Variants in DLG2 observed in about 807,000 individuals in gnomAD.
The protein encoded by DLG2 is disks large homolog 2.
A neutral mutation model predicts 132.5 loss-of-function variants in DLG2; 45 were observed. That is an observed-to-expected ratio of 0.34 (90% CI 0.27 to 0.44). The LOEUF is 0.44. DLG2 is among the 20% of genes least tolerant of loss of function. The pLI is 1.00. For synonymous variants in DLG2, 424 were observed against 419.6 expected (o/e 1.01, Z -0.13); for missense variants, 1,045 against 1,196.9 (o/e 0.87, Z 1.87).
At chr11:85,150,363 C>A (rs1044044585) in intron 5 of DLG2, among the ~76,000 whole-genome samples, 3 of 152,008 alleles carry the variant, frequency 2.0e-5, no homozygotes, top group Non-Finnish European at 4.4e-5. Context: ...AACCACATAA[C>A]CTTAAATTTA....
chr11:85,508,577 A>G (rs547047491), intron 3 of DLG2, among the ~76,000 whole-genome samples: 2 of 152,222 alleles, frequency 1.3e-5, no homozygotes. Context: ...TGTAAGCTCC[A>G]TAAGAACAAG....
chr11:84,648,915 C>G (rs909935105), intron 6 of DLG2, among the ~76,000 whole-genome samples: 1 of 152,088 alleles, frequency 6.6e-6, no homozygotes, highest in African/African-American at 2.4e-5. Context: ...ATCATTCAGC[C>G]TCAAGTATTC....
intron 18 of DLG2, among the ~76,000 whole-genome samples, chr11:83,749,233 C>A (rs761227328): frequency 1.8e-4 from 27 of 152,142 alleles, no homozygotes; most frequent in African/African-American, 5.3e-4. Context: ...GAGAGGCAAC[C>A]TTTTTGCCTT....
intron 18 of DLG2, among the ~76,000 whole-genome samples, chr11:83,674,136 G>A (rs945575640): frequency 2.6e-5 from 4 of 152,202 alleles, no homozygotes; most frequent in African/African-American, 4.8e-5. Context: ...AGCTGTGCCA[G>A]GTATTAATGC....
At chr11:84,938,442 G>A (rs1030259112) in intron 6 of DLG2, among the ~76,000 whole-genome samples, 2 of 152,074 alleles carry the variant, frequency 1.3e-5, no homozygotes, top group Admixed American at 6.5e-5. Flanking sequence ...TTTGTTAAGA[G>A]TTTTGCCTTG....
At chr11:85,238,537 T>C (rs1196448572) in intron 4 of DLG2, among the ~76,000 whole-genome samples, 1 of 151,934 alleles carries the variant, frequency 6.6e-6, no homozygotes, top group Non-Finnish European at 1.5e-5. Flanking sequence ...AGCCACTGTG[T>C]CCCACCTATC....
chr11:85,266,809 CT>C (rs2077241093), intron 4 of DLG2, among the ~76,000 whole-genome samples: 1 of 152,182 alleles, frequency 6.6e-6, no homozygotes, highest in Non-Finnish European at 1.5e-5. Flanking sequence ...ACCCTCAATT[CT>C]GATGAAGAAA....
intron 9 of DLG2, among the ~76,000 whole-genome samples, chr11:84,128,326 T>C (rs1357920021): frequency 1.3e-5 from 2 of 152,218 alleles, no homozygotes; most frequent in Non-Finnish European, 2.9e-5. Context: ...TGCTAAATAC[T>C]GTCAATGTAT....
intron 6 of DLG2, among the ~76,000 whole-genome samples, chr11:84,886,257 T>C (rs1328291848): frequency 1.3e-5 from 2 of 152,100 alleles, no homozygotes; most frequent in East Asian, 1.9e-4. Flanking sequence ...CCCAAGATAT[T>C]TCCTAGAGCT....
At chr11:83,774,715 A>G (rs541427451) in intron 18 of DLG2, among the ~76,000 whole-genome samples, 6 of 152,316 alleles carry the variant, frequency 3.9e-5, no homozygotes, top group Admixed American at 1.3e-4. Context: ...AGGGCAGCAC[A>G]ATGCTCACTC....
At chr11:84,407,767 T>C (rs1332684392) in intron 7 of DLG2, among the ~76,000 whole-genome samples, 2 of 152,222 alleles carry the variant, frequency 1.3e-5, no homozygotes, top group Admixed American at 1.3e-4. Context: ...GTAAAGTGAC[T>C]TTTTCAAGGT....
At chr11:84,306,321 G>C (rs1456439317) in intron 7 of DLG2, among the ~76,000 whole-genome samples, 4 of 151,952 alleles carry the variant, frequency 2.6e-5, no homozygotes, top group Admixed American at 2.0e-4. Context: ...AAAATATTTG[G>C]TTCCAAATCT....
chr11:85,186,770 A>G (rs147184038), intron 4 of DLG2, among the ~76,000 whole-genome samples: 41 of 152,226 alleles, frequency 2.7e-4, no homozygotes, highest in African/African-American at 8.9e-4. Context: ...CAGCTCAAAA[A>G]GCCTCCCATT....
chr11:85,435,371 T>G (rs1334732612), intron 3 of DLG2, among the ~76,000 whole-genome samples: 1 of 152,166 alleles, frequency 6.6e-6, no homozygotes, highest in Admixed American at 6.5e-5. Flanking sequence ...GAAGTCAAAT[T>G]GTCGCTGTTT....
intron 18 of DLG2, among the ~76,000 whole-genome samples, chr11:83,641,025 C>T (rs953496137): frequency 2.0e-5 from 3 of 152,078 alleles, no homozygotes; most frequent in African/African-American, 7.2e-5. Context: ...TCATCCCTAC[C>T]CCCATACATT....
intron 6 of DLG2, among the ~76,000 whole-genome samples, chr11:84,551,085 T>C (rs1459342938): frequency 6.6e-6 from 1 of 152,144 alleles, no homozygotes; most frequent in African/African-American, 2.4e-5. Context: ...GTCAATGGCA[T>C]TGGAACATGG....
chr11:83,992,335 G>C (rs934642253), intron 11 of DLG2, among the ~76,000 whole-genome samples: 6 of 152,118 alleles, frequency 3.9e-5, no homozygotes, highest in African/African-American at 1.4e-4. Flanking sequence ...GTGCTGCTAT[G>C]AGAGGAATAG....
chr11:84,143,584 C>T (rs1305246701), intron 9 of DLG2, among the ~76,000 whole-genome samples: 1 of 152,126 alleles, frequency 6.6e-6, no homozygotes, highest in Non-Finnish European at 1.5e-5. Flanking sequence ...GTTTAAAATG[C>T]ATCAGGCTCA....
At chr11:84,593,985 A>G (rs1339607491) in intron 6 of DLG2, among the ~76,000 whole-genome samples, 6 of 152,178 alleles carry the variant, frequency 3.9e-5, no homozygotes, top group Non-Finnish European at 7.3e-5. Flanking sequence ...TTCCCATCTA[A>G]CACCTATTAA....
Sources: gnomAD v4.1 joint callset for allele counts (sites outside exome capture counted in the v4.1 genomes callset) on GRCh38, gnomAD v4.1.1 for gene constraint, MANE v1.5 for transcripts, NCBI Gene and HGNC (gene_info 2026-07-23, HGNC 2026-07-21) for gene names.